Variants in HIVEP1 observed in about 807,000 individuals in gnomAD.
HIVEP1 encodes the protein HIVEP zinc finger 1, also known as zinc finger protein 40.
A neutral mutation model predicts 180.0 loss-of-function variants in HIVEP1; 36 were observed. The ratio of observed to expected loss-of-function variants is 0.20; its 90% CI spans 0.15 to 0.26. HIVEP1 has a LOEUF of 0.26. Among genes scored for constraint, HIVEP1 ranks in the 10% least tolerant of loss-of-function variants. The probability of loss-of-function intolerance (pLI) is 1.00; values close to 1 mark genes in which losing one functional copy is unlikely to be tolerated. For missense variants in HIVEP1, 3,143 were observed against 3,268.7 expected, an observed-to-expected ratio of 0.96 and a Z score of 0.94; for synonymous variants, 1,239 against 1,239.0, an observed-to-expected ratio of 1.00 and a Z score of 0.00.
chr6:12,053,829 T>C (rs2113726950), intron 2 of HIVEP1, among the ~76,000 whole-genome samples: 1 of 152,372 alleles, frequency 6.6e-6, no homozygotes, highest in South Asian at 2.1e-4. Context: ...ATGGTGGCTT[T>C]CAGCCCTTTT....
chr6:12,164,025 C>T lies in HIVEP1; in HGVS notation c.7721C>T (p.Ser2574Phe), dbSNP rs551828821. Residue 2574 changes from serine (S) to phenylalanine (F), a missense_variant, in exon 9 of 9, where the codon TCC (serine) becomes TTC (phenylalanine). This residue lies in a region of HIVEP1 where 595 missense variants were observed against 602.2 expected (regional missense o/e 0.99). Transcript: ENST00000379388. ...DAQGAPEMPA[S>F]QSKACETQPK... ...CAGGGAGCTCCAGAAATGCCAGCTTCCCAAAGCAAAGCATGCGAGACACAA... is the reference window on the plus strand; with the variant it reads ...CAGGGAGCTCCAGAAATGCCAGCTTTCCAAAGCAAAGCATGCGAGACACAA... 1 of 1,614,132 alleles carries T rather than the reference C, an allele frequency of 6.2e-7. No individual in the cohort carries two copies. Among genetic ancestry groups the T allele is most frequent in the East Asian group, 2.2e-5 (1 of 44,858 alleles).
In HIVEP1 at chr6:12,123,443, A is replaced by G. The variant is rs376150555; in HGVS notation, c.3648A>G (p.Glu1216=). 13 of 1,614,084 alleles carry G rather than the reference A, an allele frequency of 8.1e-6. No individual in the cohort carries two copies. Among genetic ancestry groups the G allele is most frequent in the Non-Finnish European group, 1.0e-5 (12 of 1,180,036 alleles). The part of the protein sequence containing the change: ...LQESSRKSPS[E]RHVLGQPSRL... ...AAAGCTCCAGAAAGAGTCCAAGTGA[A>G]CGACATGTGTTAGGACAGCCCTCAA... The change falls in exon 4 of 9, where the codon GAA becomes GAG. Residue 1216 remains glutamate, a synonymous_variant. Transcript: ENST00000379388.
chr6:12,170,389 G>A, the HIVEP1 span, among the ~76,000 whole-genome samples: 49 of 152,238 alleles, frequency 3.2e-4, no homozygotes, highest in African/African-American at 1.2e-3. Context: ...AGACAGAACA[G>A]ACAGAAGCAC....
intron 2 of HIVEP1, among the ~76,000 whole-genome samples, chr6:12,041,373 G>T (rs1340607986): frequency 7.8e-6 from 1 of 127,712 alleles, no homozygotes; most frequent in Non-Finnish European, 1.6e-5. Context: ...AGTGAGCCGA[G>T]ATCCCGCCAT....
In HIVEP1 at chr6:12,121,378, T is replaced by C; in HGVS notation, c.1583T>C (p.Leu528Ser). 1 of 1,614,116 alleles carries C rather than the reference T, an allele frequency of 6.2e-7. No individual in the cohort carries two copies. Among genetic ancestry groups the C allele is most frequent in the Non-Finnish European group, 8.5e-7 (1 of 1,180,020 alleles). Residue 528 changes from leucine to serine, a missense_variant, in exon 4 of 9, where the codon TTA becomes TCA. Physicochemically the swap from Leu to Ser is moderately radical, Grantham distance 145. This residue lies in a region of HIVEP1 where 365 missense variants were observed against 344.4 expected (regional missense o/e 1.06). Transcript: ENST00000379388. This position sits in a 1 kb window ranked among gnomAD's most constrained non-coding sequence, Gnocchi z 5.3. ...AAGAGGATGTCAAATGCTGAAACTT[T>C]ACTAAAATCAAGCTTCACTCCAAGC... ...IIKRMSNAET[L>S]LKSSFTPSSP...
chr6:12,169,860 C>A (rs1460506960), downstream of HIVEP1, among the ~76,000 whole-genome samples: 2 of 152,082 alleles, frequency 1.3e-5, no homozygotes, highest in Non-Finnish European at 2.9e-5. Flanking sequence ...CACTTTGGGA[C>A]CTGTAATCCC....
chr6:12,023,905 AT>A (rs1768414461), intron 2 of HIVEP1, among the ~76,000 whole-genome samples: 1 of 152,220 alleles, frequency 6.6e-6, no homozygotes, highest in African/African-American at 2.4e-5. Flanking sequence ...ATAGAAAAAC[AT>A]TTTTAAGCTT....
At chr6:12,155,471 C>A (rs1042528810) in intron 7 of HIVEP1, among the ~76,000 whole-genome samples, 1 of 147,702 alleles carries the variant, frequency 6.8e-6, no homozygotes, top group Non-Finnish European at 1.5e-5. Context: ...CTCGTGTTTT[C>A]GTCATTCAGC....
At chr6:12,034,166 A>AT (rs1276933833) in intron 2 of HIVEP1, among the ~76,000 whole-genome samples, 1 of 152,160 alleles carries the variant, frequency 6.6e-6, no homozygotes, top group Non-Finnish European at 1.5e-5. Context: ...TAGCACCTGC[A>AT]TTTTTTTGTA....
Position 12,123,139 on chromosome 6 carries a change from A to C in HIVEP1, c.3344A>C (p.Gln1115Pro), listed in dbSNP as rs1345553083. ...AAGCTGTCGACCATCATGGAACAAC[A>C]GATAAGTTCAGCAGCCCAGGACAAG... ...DPKLSTIMEQQISSAAQDKIE... is the reference protein window; with the variant it reads ...DPKLSTIMEQPISSAAQDKIE... The change falls in exon 4 of 9, where the codon CAG becomes CCG. Residue 1115 changes from glutamine to proline, a missense_variant. Physicochemically the swap from Gln to Pro is moderately conservative, Grantham distance 76. This residue lies in a region of HIVEP1 where 1,357 missense variants were observed against 1,260.5 expected (regional missense o/e 1.08). Transcript: ENST00000379388. 1 of 1,614,206 alleles carries C rather than the reference A, an allele frequency of 6.2e-7. No individual in the cohort carries two copies. The highest frequency in any genetic ancestry group is 8.5e-7 in the Non-Finnish European group (1 of 1,180,038).
chr6:12,145,284 C>G (rs894815880), intron 7 of HIVEP1, among the ~76,000 whole-genome samples: 1 of 152,026 alleles, frequency 6.6e-6, no homozygotes, highest in Non-Finnish European at 1.5e-5. Flanking sequence ...AACCAAACAC[C>G]GCATGTTCTC....
At position 12,036,199 on chromosome 6, in the gene HIVEP1, T is replaced by G. The variant is rs12208282; in HGVS notation, c.40+20531T>G. Among the ~76,000 whole-genome samples the G allele has an allele frequency of 0.012, 1,793 of 152,304 alleles. 64 individuals carry two copies. In the East Asian group the frequency reaches 0.15, roughly 13 times the overall value. On this transcript the variant is annotated intron_variant, in intron 2 of 8. Transcript: ENST00000379388. ...TAATTCAGCTGAAGCAAAAAGATAT[T>G]TGTTCAAAGAGCTTGATTTTGGTGT...
At chr6:12,078,707 A>AACACACACACACACAC (rs1168274891) in intron 2 of HIVEP1, among the ~76,000 whole-genome samples, 8 of 114,096 alleles carry the variant, frequency 7.0e-5, no homozygotes, top group Non-Finnish European at 1.6e-4. Flanking sequence ...CATATATATA[A>AACACACACACACACAC]ACACACACAC....
At chr6:12,082,237 G>C (rs990671902) in intron 2 of HIVEP1, among the ~76,000 whole-genome samples, 1 of 152,060 alleles carries the variant, frequency 6.6e-6, no homozygotes, top group Non-Finnish European at 1.5e-5. Context: ...GATTCAGTAT[G>C]TCCTTCTAGA....
chr6:12,199,305 A>G, the HIVEP1 span, among the ~76,000 whole-genome samples: 1 of 151,656 alleles, frequency 6.6e-6, no homozygotes, highest in Admixed American at 6.6e-5. Context: ...GTATGTCTTT[A>G]TAGCAATGTG....
intron 1 of HIVEP1, among the ~76,000 whole-genome samples, chr6:12,014,370 T>C (rs1039497164): frequency 6.6e-6 from 1 of 152,214 alleles, no homozygotes; most frequent in Non-Finnish European, 1.5e-5. Flanking sequence ...AAGTTACTTA[T>C]CCAATTTTTT....
At chr6:12,072,191 T>A (rs762047449) in intron 2 of HIVEP1, among the ~76,000 whole-genome samples, 1 of 152,182 alleles carries the variant, frequency 6.6e-6, no homozygotes, top group Non-Finnish European at 1.5e-5. Context: ...ATGGTGCTTA[T>A]TTCCATCTGT....
intron 7 of HIVEP1, among the ~76,000 whole-genome samples, chr6:12,145,529 AAAAAG>A (rs1759321463): frequency 1.3e-5 from 2 of 151,840 alleles, no homozygotes; most frequent in Admixed American, 1.3e-4. Context: ...AAAAAAAAAA[AAAAAG>A]AACGCCCTCT....
intron 2 of HIVEP1, among the ~76,000 whole-genome samples, chr6:12,077,696 A>G (rs993243823): frequency 2.0e-5 from 3 of 152,186 alleles, no homozygotes; most frequent in African/African-American, 7.2e-5. Flanking sequence ...CTGAAGCATC[A>G]GTATATTATT....
Sources: gnomAD v4.1 joint callset for allele counts (sites outside exome capture counted in the v4.1 genomes callset) on GRCh38, gnomAD v4.1.1 for gene constraint, gnomAD v4.1.1 regional missense constraint, Gnocchi (gnomAD v3.1) non-coding constraint, MANE v1.5 for transcripts, NCBI Gene and HGNC (gene_info 2026-07-23, HGNC 2026-07-21) for gene names.